The following LPIN2 variants were observed in gnomAD, a reference collection of about 807,000 sequenced individuals.
LPIN2 encodes phosphatidate phosphatase LPIN2.
A neutral mutation model predicts 111.4 loss-of-function variants in LPIN2; 55 were observed. The ratio of observed to expected loss-of-function variants is 0.49; its 90% CI spans 0.40 to 0.62. The LOEUF (loss-of-function observed/expected upper bound fraction) is 0.62, where lower values mean the gene tolerates loss of function less well. Among genes scored for constraint, LPIN2 ranks in the 20% least tolerant of loss-of-function variants. LPIN2 has a pLI of 0.00. For missense variants in LPIN2, 992 were observed against 1,112.1 expected, an observed-to-expected ratio of 0.89 and a Z score of 1.54; for synonymous variants, 425 against 414.0, an observed-to-expected ratio of 1.03 and a Z score of -0.32.
chr18:3,005,674 C>G (rs2078503062), intron 1 of LPIN2, among the ~76,000 whole-genome samples: 1 of 71,602 alleles, frequency 1.4e-5, no homozygotes, highest in Admixed American at 1.8e-4. Context: ...AAGACACTAT[C>G]TTACACACAC....
chr18:2,924,624 G>A, intron 14 of LPIN2, 78 bp from the exon 15 acceptor site: 11 of 1,462,166 alleles, frequency 7.5e-6, no homozygotes, highest in Non-Finnish European at 1.1e-5. Context: ...CAGAACAACT[G>A]GTGTCTCGGA....
intron 4 of LPIN2, chr18:2,946,967 G>A (rs967654599): frequency 1.3e-5 from 3 of 238,414 alleles, no homozygotes; most frequent in Admixed American, 5.2e-5. Context: ...AAGGCAGGGA[G>A]CATCTGTAAG....
At chr18:2,947,944 C>T (rs1441232026) in intron 4 of LPIN2, among the ~76,000 whole-genome samples, 2 of 152,110 alleles carry the variant, frequency 1.3e-5, no homozygotes, top group African/African-American at 4.8e-5. Flanking sequence ...GCCCCTTCGA[C>T]CCTCTCACTT....
At chr18:2,924,902 G>A (rs2077107136) in intron 14 of LPIN2, among the ~76,000 whole-genome samples, 1 of 152,224 alleles carries the variant, frequency 6.6e-6, no homozygotes. Flanking sequence ...GAGAAATTGT[G>A]TCTAAAATGT....
At chr18:2,970,215 A>C (rs1407587058) in intron 1 of LPIN2, among the ~76,000 whole-genome samples, 1 of 152,222 alleles carries the variant, frequency 6.6e-6, no homozygotes, top group African/African-American at 2.4e-5. Flanking sequence ...CAATGGCTAG[A>C]TCTGAAGGTA....
At chr18:2,957,490 C>G (rs2077630639) in intron 2 of LPIN2, among the ~76,000 whole-genome samples, 1 of 152,200 alleles carries the variant, frequency 6.6e-6, no homozygotes, top group Admixed American at 6.5e-5. Flanking sequence ...AAGGGATACT[C>G]AACCTGTATT....
intron 1 of LPIN2, among the ~76,000 whole-genome samples, chr18:2,971,767 GC>G (rs1311572019): frequency 6.7e-6 from 1 of 148,860 alleles, no homozygotes; most frequent in Non-Finnish European, 1.5e-5. Flanking sequence ...AAAAAAACAG[GC>G]TGGGTGCGGT....
At chr18:2,963,098 G>C (rs1419409224) in intron 1 of LPIN2, among the ~76,000 whole-genome samples, 3 of 152,166 alleles carry the variant, frequency 2.0e-5, no homozygotes, top group African/African-American at 7.2e-5. Context: ...GTTTTCTCTT[G>C]ACAGATAATG....
intron 1 of LPIN2, among the ~76,000 whole-genome samples, chr18:2,986,766 G>T (rs1427285772): frequency 1.3e-5 from 2 of 152,198 alleles, no homozygotes; most frequent in Admixed American, 1.3e-4. Context: ...AGACAATACT[G>T]AGAGTTGCCT....
intron 1 of LPIN2, among the ~76,000 whole-genome samples, chr18:3,012,372 T>C (rs1166387017): frequency 6.6e-6 from 1 of 152,204 alleles, no homozygotes; most frequent in East Asian, 1.9e-4. Context: ...ATGAAAAGAG[T>C]CTTAAAATGT....
chr18:2,950,747 C>T (rs1326201220), intron 4 of LPIN2: 1 of 408,072 alleles, frequency 2.5e-6, no homozygotes, highest in African/African-American at 2.0e-5. Context: ...TGGTGTCCAA[C>T]TGGATCTGCT....
chr18:2,943,946 C>A (rs2077405331), intron 4 of LPIN2, among the ~76,000 whole-genome samples: 1 of 152,110 alleles, frequency 6.6e-6, no homozygotes, highest in Admixed American at 6.5e-5. Context: ...GTAAATTTTT[C>A]TTTGTAAGAA....
Position 2,922,148 on chromosome 18 carries a change from G to A in LPIN2, c.2226C>T (p.Asp742=). ...CCCAGTGCAGGTAGCCACGGGTCAT[G>A]TCGGCCATGCCGATGGCACGAGCCG... ...YCSARAIGMA[D]MTRGYLHWVN... Residue 742 remains aspartate, a synonymous_variant, in exon 17 of 20, where the codon GAC becomes GAT. Coordinates refer to ENST00000677752, the MANE Select transcript of LPIN2 (RefSeq NM_001375808.2). The A allele has an allele frequency of 1.2e-6, 2 of 1,614,048 alleles. No individual in the cohort carries two copies. Among genetic ancestry groups the A allele is most frequent in the East Asian group, 2.2e-5 (1 of 44,880 alleles).
At chr18:2,937,352 T>C (rs538497177) in intron 7 of LPIN2, among the ~76,000 whole-genome samples, 1 of 151,898 alleles carries the variant, frequency 6.6e-6, no homozygotes, top group Non-Finnish European at 1.5e-5. Flanking sequence ...GAGACCAGCC[T>C]GGCCAACATG....
intron 1 of LPIN2, among the ~76,000 whole-genome samples, chr18:2,969,710 T>C (rs555984442): frequency 2.0e-5 from 3 of 152,118 alleles, no homozygotes; most frequent in Admixed American, 6.5e-5. Flanking sequence ...TAAAAACAAA[T>C]ACACGCTCAT....
chr18:2,945,456 CAACAA>C (rs945794663), intron 4 of LPIN2: 19 of 705,124 alleles, frequency 2.7e-5, no homozygotes, highest in Admixed American at 7.1e-5. Flanking sequence ...AGTAACACAA[CAACAA>C]AACAAAAGAT....
chr18:2,997,045 G>A (rs917691370), intron 1 of LPIN2, among the ~76,000 whole-genome samples: 34 of 150,662 alleles, frequency 2.3e-4, no homozygotes, highest in African/African-American at 7.8e-4. Flanking sequence ...GCGGTGGCGT[G>A]ATCTCGGCTC....
chr18:2,970,898 C>T (rs966949429), intron 1 of LPIN2, among the ~76,000 whole-genome samples: 5 of 152,182 alleles, frequency 3.3e-5, no homozygotes, highest in African/African-American at 1.2e-4. Flanking sequence ...ACTGAGTTCA[C>T]TTCACTATGA....
chr18:2,979,450 A>G (rs2078073188), intron 1 of LPIN2, among the ~76,000 whole-genome samples: 1 of 152,156 alleles, frequency 6.6e-6, no homozygotes. Context: ...AAATTCCGAC[A>G]TATTAGTGGA....
Sources: gnomAD v4.1 joint callset for allele counts (sites outside exome capture counted in the v4.1 genomes callset) on GRCh38, gnomAD v4.1.1 for gene constraint, MANE v1.5 for transcripts, NCBI Gene and HGNC (gene_info 2026-07-23, HGNC 2026-07-21) for gene names.